SLC39A13: variants seen among roughly 807,000 people sequenced by gnomAD.
SLC39A13 encodes solute carrier family 39 member 13, also known as zinc transporter ZIP13.
A neutral mutation model predicts 38.7 loss-of-function variants in SLC39A13; 18 were observed. The ratio of observed to expected loss-of-function variants is 0.47; its 90% CI spans 0.32 to 0.69. The LOEUF (loss-of-function observed/expected upper bound fraction) is 0.69, where lower values mean the gene tolerates loss of function less well. SLC39A13 is among the 30% of genes least tolerant of loss of function. The pLI is 0.03. For missense variants in SLC39A13, 395 were observed against 490.7 expected (o/e 0.80, Z 1.84); for synonymous variants, 212 against 219.1 (o/e 0.97, Z 0.29).
At chr11:47,409,682 A>G (rs1595876560) in intron 1 of SLC39A13, 2 of 225,866 alleles carry the variant, frequency 8.9e-6, no homozygotes, top group South Asian at 1.2e-4. Context: ...CTCTGAATCC[A>G]CCCCATCCCC....
At chr11:47,415,256 T>C in intron 9 of SLC39A13, 32 bp from the exon 10 acceptor site, 1 of 1,613,744 alleles carries the variant, frequency 6.2e-7, no homozygotes, top group Non-Finnish European at 8.5e-7. Flanking sequence ...CCCCTGCCCA[T>C]GCCTCCACCG....
chr11:47,410,752 G>A (rs755553), intron 2 of SLC39A13, among the ~76,000 whole-genome samples: 98,320 of 152,074 alleles, frequency 0.65, 31,829 homozygotes, highest in East Asian at 0.71. Context: ...GAGCTGCTAA[G>A]AATGCACGTG....
At chr11:47,413,818 T>C (rs1298938027) in intron 6 of SLC39A13, 132 bp downstream of exon 6, 1 of 974,770 alleles carries the variant, frequency 1.0e-6, no homozygotes, top group Non-Finnish European at 1.6e-6. Flanking sequence ...TCCCCCATCC[T>C]CCCTGCTGCT....
chr11:47,415,397 G>C lies in SLC39A13; in HGVS notation c.*34G>C, dbSNP rs1565669578. 1.2e-6 allele frequency: 2 copies of C among 1,608,826 alleles called. No homozygotes were observed. Among genetic ancestry groups the C allele is most frequent in the East Asian group, 4.5e-5 (2 of 44,868 alleles). On this transcript the variant is annotated 3_prime_UTR_variant, in exon 10 of 10. Transcript: ENST00000362021. The stretch of plus-strand genomic sequence containing the variant: ...GATGCCGACGCCCCTGCCCCCTGCA[G>C]CAATAAGATGCTCGGATTCACTCTG...
chr11:47,413,530 C>CT, intron 5 of SLC39A13, 23 bp downstream of exon 5: 1 of 1,613,972 alleles, frequency 6.2e-7, no homozygotes, highest in South Asian at 1.1e-5. Flanking sequence ...CTCAGGGCCC[C>CT]TGCAGCCGTA....
At position 47,415,167 on chromosome 11, in the gene SLC39A13, A is replaced by C. The variant is rs1396682564; in HGVS notation, c.1040+8A>C. ...GGAAGAAGAGGACCCGTGGTGAGTG[A>C]CCTGTTGGAGGAAGAGGACTGCCAC... On this transcript the variant is annotated splice_region_variant and intron_variant, in intron 9 of 9. Coordinates refer to ENST00000362021, the MANE Select transcript of SLC39A13 (RefSeq NM_001128225.3). 1 of 1,611,268 alleles carries C rather than the reference A, an allele frequency of 6.2e-7. No individual in the cohort carries two copies. Among genetic ancestry groups the C allele is most frequent in the Non-Finnish European group, 8.5e-7 (1 of 1,178,818 alleles).
At position 47,410,071 on chromosome 11, in the gene SLC39A13, C is replaced by T; in HGVS notation, c.-8-16C>T. The stretch of plus-strand genomic sequence containing the variant: ...CAAGGCTGTAGCTCATATAGGTGGC[C>T]TTTTGTGTTTTTCAGTACGTGGCAT... On this transcript the variant is annotated splice_polypyrimidine_tract_variant and intron_variant, in intron 1 of 9. Transcript: ENST00000362021. 2 of 1,611,900 alleles carry T rather than the reference C, an allele frequency of 1.2e-6. No homozygotes were observed. Among genetic ancestry groups the T allele is most frequent in the African/African-American group, 1.3e-5 (1 of 75,010 alleles).
rs771737749 is a variant in SLC39A13 at position 47,414,885 on chromosome 11, T to A, written c.895T>A (p.Cys299Ser). Residue 299 changes from cysteine to serine, a missense_variant, in exon 8 of 10, where the codon TGT (cysteine) becomes AGT (serine). Coordinates refer to ENST00000362021, the MANE Select transcript of SLC39A13 (RefSeq NM_001128225.3). ...CCTACTGGGCGCTGGCTTCGCCATC[T>A]GTACCCAGTCCCCCAAGGGAGTAGG... is the stretch of plus-strand genomic sequence containing the variant. ...GGLLGAGFAICTQSPKGVVGC... is the reference protein window; with the variant it reads ...GGLLGAGFAISTQSPKGVVGC... 2.5e-6 allele frequency: 4 copies of A among 1,612,626 alleles called. No individual in the cohort carries two copies. The highest frequency in any genetic ancestry group is 3.4e-6 in the Non-Finnish European group (4 of 1,179,862).
At chr11:47,410,643 C>T (rs1044931281) in intron 2 of SLC39A13, among the ~76,000 whole-genome samples, 3 of 152,068 alleles carry the variant, frequency 2.0e-5, no homozygotes, top group African/African-American at 4.8e-5. Context: ...GATGTGGGCA[C>T]GGGTGGGAGC....
chr11:47,415,545 C>G lies in SLC39A13; in HGVS notation c.*182C>G, dbSNP rs1481405682. 6 of 713,498 alleles carry G rather than the reference C, an allele frequency of 8.4e-6. No individual in the cohort carries two copies. The highest frequency in any genetic ancestry group is 9.9e-6 in the Non-Finnish European group (4 of 405,314). The allele number at this position is 713,498 out of a possible 1,614,324, so 44.2% of individuals were successfully genotyped here. On this transcript the variant is annotated 3_prime_UTR_variant, in exon 10 of 10. Transcript: ENST00000362021. ...GCACATGTGGCCAGAGGTGTGTGCG[C>G]GAGACCGACACTGTGATCCCTGTGC...
chr11:47,413,325 C>T (rs1001426267), intron 4 of SLC39A13, 75 bp from the exon 5 acceptor site: 19 of 1,457,790 alleles, frequency 1.3e-5, no homozygotes, highest in Non-Finnish European at 1.8e-5. Flanking sequence ...CTTTCTCCAT[C>T]TCTCTCCCCT....
At chr11:47,414,708 A>G (rs2096017002) in intron 7 of SLC39A13, 69 bp from the exon 8 acceptor site, 1 of 1,597,298 alleles carries the variant, frequency 6.3e-7, no homozygotes, top group Non-Finnish European at 8.5e-7. Context: ...CAGTGTGTAT[A>G]TCGTACCTGA....
rs2096010984 is a variant in SLC39A13 at position 47,413,648 on chromosome 11, G to A, written c.697G>A (p.Gly233Arg). Residue 233 changes from glycine to arginine, a missense_variant, in exon 6 of 10, where the codon GGG (glycine) becomes AGG (arginine). Gly to Arg is a moderately radical substitution (Grantham distance 125). Coordinates refer to ENST00000362021, the MANE Select transcript of SLC39A13 (RefSeq NM_001128225.3). ...LANTIDNFTH[G>R]LAVAASFLVS... Reference sequence around the variant, plus strand: ...CAACACCATCGATAACTTCACCCACGGGCTGGCTGTGGCTGCCAGCTTCCT... The same window carrying A: ...CAACACCATCGATAACTTCACCCACAGGCTGGCTGTGGCTGCCAGCTTCCT... 4.3e-6 allele frequency: 7 copies of A among 1,614,186 alleles called. No individual in the cohort carries two copies. The highest frequency in any genetic ancestry group is 5.9e-6 in the Non-Finnish European group (7 of 1,180,038).
chr11:47,414,377 GC>G (rs1565666981), intron 6 of SLC39A13, 47 bp from the exon 7 acceptor site: 1 of 1,578,298 alleles, frequency 6.3e-7, no homozygotes, highest in East Asian at 2.3e-5. Flanking sequence ...CGAGTGGGGT[GC>G]TCAGCCCTCA....
chr11:47,410,419 C>T (rs1000885409), intron 2 of SLC39A13, 24 bp downstream of exon 2: 1 of 1,612,664 alleles, frequency 6.2e-7, no homozygotes, highest in Non-Finnish European at 8.5e-7. Flanking sequence ...CGGTGGCGCC[C>T]AGGGCTGGCC....
At chr11:47,412,981 C>T (rs530478813) in intron 4 of SLC39A13, among the ~76,000 whole-genome samples, 11 of 151,134 alleles carry the variant, frequency 7.3e-5, no homozygotes, top group South Asian at 2.1e-4. Context: ...AGGATGGTCT[C>T]GATCTCTTGA....
chr11:47,411,993 G>A lies in SLC39A13; in HGVS notation c.369G>A (p.Leu123=). 1 of 1,613,794 alleles carries A rather than the reference G, an allele frequency of 6.2e-7. No homozygotes were observed. Residue 123 remains leucine (L), a synonymous_variant, in exon 3 of 10, where the codon CTG becomes CTA. Transcript: ENST00000362021. The part of the protein sequence containing the change: ...ALGGLLGNVF[L]HLLPEAWAYT... ...GGGGACTCTTGGGCAATGTGTTTCT[G>A]CATCTGCTGCCCGAAGCCTGGGCCT...
At position 47,415,363 on chromosome 11, in the gene SLC39A13, A is replaced by G. The variant is rs762617893; in HGVS notation, c.1116A>G (p.Ter372=). The G allele has an allele frequency of 1.2e-5, 19 of 1,613,790 alleles. No homozygotes were observed. The highest frequency in any genetic ancestry group is 1.5e-5 in the Non-Finnish European group (18 of 1,180,004). The change falls in exon 10 of 10, where the codon TAA becomes TAG. Residue 372 remains the stop codon, a stop_retained_variant. Transcript: ENST00000362021. ...TGCTGTTCTCGCTCTTCGTGGATTA[A>G]CTTTCCCTGATGCCGACGCCCCTGC... ...VMVLFSLFVD[*]
intron 1 of SLC39A13, chr11:47,409,758 A>C: frequency 3.2e-6 from 1 of 310,642 alleles, no homozygotes. Context: ...AGCCAGAGAC[A>C]CCCAGCTGGG....
Sources: gnomAD v4.1 joint callset for allele counts (sites outside exome capture counted in the v4.1 genomes callset) on GRCh38, gnomAD v4.1.1 for gene constraint, MANE v1.5 for transcripts, NCBI Gene and HGNC (gene_info 2026-07-23, HGNC 2026-07-21) for gene names.